Variants in LRP11 observed in about 807,000 individuals in gnomAD.
LRP11 encodes the protein low-density lipoprotein receptor-related protein 11.
Under a neutral mutation model 43.1 loss-of-function variants are expected in LRP11, and 25 were observed. The ratio of observed to expected loss-of-function variants is 0.58; its 90% CI spans 0.42 to 0.81. LRP11 has a LOEUF of 0.81. LRP11 is among the 30% of genes least tolerant of loss of function. LRP11 has a pLI of 0.00. For synonymous variants in LRP11, 316 were observed against 299.4 expected (o/e 1.06, Z -0.57); for missense variants, 623 against 665.1 (o/e 0.94, Z 0.70).
At chr6:149,836,934 C>T (rs1776479400) in intron 4 of LRP11, among the ~76,000 whole-genome samples, 1 of 152,104 alleles carries the variant, frequency 6.6e-6, no homozygotes, top group Non-Finnish European at 1.5e-5. Flanking sequence ...AGTTTTTCTT[C>T]TTTCTTACAG....
At chr6:149,863,325 A>C (rs1469484402) in intron 1 of LRP11, 83 bp downstream of exon 1, 1 of 1,288,536 alleles carries the variant, frequency 7.8e-7, no homozygotes, top group Non-Finnish European at 9.8e-7. Flanking sequence ...ACTTGGCACG[A>C]GTGTGTTTCG....
Position 149,836,325 on chromosome 6 carries a change from T to C in LRP11, c.1040-28A>G, listed in dbSNP as rs199541900. The C allele has an allele frequency of 3.8e-5, 60 of 1,592,076 alleles. No homozygotes were observed. The African/African-American group carries it at 5.2e-4, about 14-fold the overall frequency. On this transcript the variant is annotated intron_variant, in intron 4 of 6. Transcript: ENST00000239367. ...GAAGTGTGGAAGAGCTACTGTTAGT[T>C]GCTGGATTTCTTTTCTGAGCTTTAA...
intron 6 of LRP11, among the ~76,000 whole-genome samples, chr6:149,822,611 T>C (rs1051822890): frequency 6.6e-6 from 1 of 152,162 alleles, no homozygotes; most frequent in African/African-American, 2.4e-5. Flanking sequence ...CTATCCACTA[T>C]GGTACTCTAC....
chr6:149,853,200 T>G, intron 1 of LRP11, 40 bp from the exon 2 acceptor site: 1 of 1,488,652 alleles, frequency 6.7e-7, no homozygotes, highest in East Asian at 2.5e-5. Context: ...GATGATTTCT[T>G]ATTTTTTCTA....
At position 149,845,471 on chromosome 6, in the gene LRP11, G is replaced by A. The variant is rs377009756; in HGVS notation, c.772-2347C>T. 4.6e-5 allele frequency among the ~76,000 whole-genome samples: 7 copies of A among 152,298 alleles called. No homozygotes were observed. The East Asian group carries it at 1.4e-3, about 29-fold the overall frequency. On this transcript the variant is annotated intron_variant, in intron 2 of 6. Coordinates refer to ENST00000239367, the MANE Select transcript of LRP11 (RefSeq NM_032832.6). ...GGAGGGCTGGCAATGACGGCCACCT[G>A]CCTTTTGTTGTTTATTTCAAAGAGA...
chr6:149,822,520 G>T (rs1398748937), intron 6 of LRP11, among the ~76,000 whole-genome samples: 1 of 143,384 alleles, frequency 7.0e-6, no homozygotes, highest in Admixed American at 6.9e-5. Context: ...AAAAAAAAAA[G>T]ACTGAAGTGA....
intron 3 of LRP11, chr6:149,842,681 A>C (rs1012831361): frequency 6.4e-7 from 1 of 1,550,984 alleles, no homozygotes; most frequent in Non-Finnish European, 8.7e-7. Flanking sequence ...ATCCATCTGT[A>C]AACAAAGTCC....
intron 1 of LRP11, among the ~76,000 whole-genome samples, chr6:149,859,245 G>T (rs1776848607): frequency 6.6e-6 from 1 of 151,528 alleles, no homozygotes. Context: ...GTTAATAAAT[G>T]AAAATTGGCC....
chr6:149,862,049 TCA>T (rs1257968790), intron 1 of LRP11, among the ~76,000 whole-genome samples: 1 of 152,184 alleles, frequency 6.6e-6, no homozygotes, highest in Non-Finnish European at 1.5e-5. Context: ...GTGGTGGGCC[TCA>T]GAGATGCTGA....
chr6:149,855,394 A>C (rs1776783230), intron 1 of LRP11, among the ~76,000 whole-genome samples: 1 of 151,740 alleles, frequency 6.6e-6, no homozygotes, highest in African/African-American at 2.4e-5. Flanking sequence ...TGAATGAAAC[A>C]CTCCTGCTTG....
At chr6:149,849,864 A>C (rs1776693233) in intron 2 of LRP11, among the ~76,000 whole-genome samples, 1 of 152,258 alleles carries the variant, frequency 6.6e-6, no homozygotes, top group Non-Finnish European at 1.5e-5. Context: ...TTTCATAACT[A>C]ATCTGACAGC....
intron 3 of LRP11, among the ~76,000 whole-genome samples, chr6:149,838,209 G>A (rs776660510): frequency 4.6e-5 from 7 of 151,756 alleles, no homozygotes; most frequent in East Asian, 1.9e-4. Flanking sequence ...GTTAGCCACC[G>A]TGCCTGGCCC....
At chr6:149,857,937 G>T (rs181145055) in intron 1 of LRP11, among the ~76,000 whole-genome samples, 17 of 152,280 alleles carry the variant, frequency 1.1e-4, no homozygotes, top group Admixed American at 5.2e-4. Flanking sequence ...CTTTCACAAC[G>T]AATCTCTGAG....
chr6:149,825,053 GGGT>G (rs1776321957), intron 6 of LRP11, among the ~76,000 whole-genome samples: 1 of 152,100 alleles, frequency 6.6e-6, no homozygotes, highest in Admixed American at 6.5e-5. Flanking sequence ...CAGACCAAGG[GGGT>G]CACCCAGGTA....
In LRP11 at chr6:149,827,985, G is replaced by A. The variant is rs908214164; in HGVS notation, c.1253-1626C>T. ...TGCAGTGAGCCGAGATCGCGCCACT[G>A]CACTCCAGCCTGGGCGACTGAGCAA... On this transcript the variant is annotated intron_variant, in intron 5 of 6. Coordinates refer to ENST00000239367, the MANE Select transcript of LRP11 (RefSeq NM_032832.6). The surrounding 1 kb of genome is among the most constrained non-coding windows in gnomAD (Gnocchi z 4.2). 4.2e-5 allele frequency among the ~76,000 whole-genome samples: 6 copies of A among 142,454 alleles called. No homozygotes were observed. Among genetic ancestry groups the A allele is most frequent in the African/African-American group, 8.1e-5 (3 of 37,212 alleles). The allele number at this position is 142,454 out of a possible 152,430, so 93.5% of individuals were successfully genotyped here.
chr6:149,860,639 C>G (rs759513828), intron 1 of LRP11, among the ~76,000 whole-genome samples: 5 of 152,128 alleles, frequency 3.3e-5, no homozygotes, highest in Non-Finnish European at 5.9e-5. Flanking sequence ...AGACGCCAGG[C>G]CCCAGAACTT....
chr6:149,826,241 G>A (rs1280683038), intron 6 of LRP11, 23 bp downstream of exon 6: 1 of 1,566,612 alleles, frequency 6.4e-7, no homozygotes, highest in Non-Finnish European at 8.8e-7. Context: ...AGTCTGCAAA[G>A]GGTTTCCAAG....
At position 149,863,467 on chromosome 6, in the gene LRP11, C is replaced by T; in HGVS notation, c.554G>A (p.Ser185Asn). The T allele has an allele frequency of 7.5e-7, 1 of 1,339,240 alleles. No individual in the cohort carries two copies. Among genetic ancestry groups the T allele is most frequent in the South Asian group, 2.0e-5 (1 of 49,832 alleles). 83.0% of individuals were successfully genotyped at this position (1,339,240 alleles called of 1,614,324 possible). The change falls in exon 1 of 7, where the codon AGC becomes AAC. Residue 185 changes from serine to asparagine, a missense_variant. Physicochemically the swap from Ser to Asn is conservative, Grantham distance 46. Transcript: ENST00000239367. ...GGCGCCGTCCGGCGCGCGGCTGAGG[C>T]TGTAGCTGCTGTAGCCGCTGTGCAG... is the stretch of plus-strand genomic sequence containing the variant. The part of the protein sequence containing the change: ...FALHSGYSSY[S>N]LSRAPDGAAL...
At position 149,863,752 on chromosome 6, in the gene LRP11, G is replaced by C. The variant is rs1008136634; in HGVS notation, c.269C>G (p.Pro90Arg). 1 of 1,478,316 alleles carries C rather than the reference G, an allele frequency of 6.8e-7. No homozygotes were observed. Among genetic ancestry groups the C allele is most frequent in the Non-Finnish European group, 8.9e-7 (1 of 1,120,986 alleles). The allele number at this position is 1,478,316 out of a possible 1,614,324, so 91.6% of individuals were successfully genotyped here. A position where few individuals can be genotyped will look rare whatever the true frequency, so the allele number is the denominator to read the frequency against. Residue 90 changes from proline (P) to arginine (R), a missense_variant, in exon 1 of 7, where the codon CCG (proline) becomes CGG (arginine). Coordinates refer to ENST00000239367, the MANE Select transcript of LRP11 (RefSeq NM_032832.6). The part of the protein sequence containing the change: ...RAGGGPQEDC[P>R]GPGSGGYSAM... The stretch of plus-strand genomic sequence containing the variant: ...GCTGTAGCCGCCGCTGCCCGGGCCC[G>C]GGCAGTCCTCCTGGGGGCCGCCGCC...
Sources: gnomAD v4.1 joint callset for allele counts (sites outside exome capture counted in the v4.1 genomes callset) on GRCh38, gnomAD v4.1.1 for gene constraint, Gnocchi (gnomAD v3.1) non-coding constraint, MANE v1.5 for transcripts, NCBI Gene and HGNC (gene_info 2026-07-23, HGNC 2026-07-21) for gene names.